IFT80: variants seen among roughly 807,000 people sequenced by gnomAD.
IFT80 encodes intraflagellar transport protein 80 homolog.
In IFT80, 79 loss-of-function variants were observed where a neutral mutation model predicts 107.9. The observed-to-expected ratio is 0.73, with a 90% CI of 0.61 to 0.88. IFT80 has a LOEUF of 0.88. Ranked by LOEUF, IFT80 falls within the 40% of genes least tolerant of loss-of-function variation. The probability of loss-of-function intolerance (pLI) is 0.00; values close to 1 mark genes in which losing one functional copy is unlikely to be tolerated. For synonymous variants in IFT80, 299 were observed against 300.9 expected, an observed-to-expected ratio of 0.99 and a Z score of 0.07; for missense variants, 797 against 914.2, an observed-to-expected ratio of 0.87 and a Z score of 1.65.
chr3:160,285,199 T>G (rs904579389), intron 13 of IFT80, among the ~76,000 whole-genome samples: 5 of 152,144 alleles, frequency 3.3e-5, no homozygotes, highest in East Asian at 1.9e-4. Flanking sequence ...ACAAAAAAAC[T>G]AATAATTACA....
At chr3:160,344,984 C>T (rs922288229) in intron 8 of IFT80, among the ~76,000 whole-genome samples, 2 of 151,962 alleles carry the variant, frequency 1.3e-5, no homozygotes, top group Non-Finnish European at 2.9e-5. Flanking sequence ...ACTCATATAC[C>T]GCTGGTGAGA....
chr3:160,268,569 T>A (rs1713537392), intron 18 of IFT80, 33 bp from the exon 19 acceptor site: 3 of 1,608,500 alleles, frequency 1.9e-6, no homozygotes, highest in Non-Finnish European at 1.7e-6. Flanking sequence ...TTATTAACAT[T>A]GTTTGTGTCA....
Position 160,370,573 on chromosome 3 carries a change from G to C in IFT80, c.440-4421C>G, listed in dbSNP as rs1157280513. Reference sequence around the variant, plus strand: ...TTTAAATAAAGGCATTTTTTTTTAAGTTTCTATCTTCAACCACTTCTCCCT... The same window carrying C: ...TTTAAATAAAGGCATTTTTTTTTAACTTTCTATCTTCAACCACTTCTCCCT... On this transcript the variant is annotated intron_variant, in intron 5 of 19. Transcript: ENST00000326448. 2.0e-5 allele frequency among the ~76,000 whole-genome samples: 3 copies of C among 151,040 alleles called. No individual in the cohort carries two copies. In the East Asian group the frequency reaches 5.8e-4, roughly 29 times the overall value.
At chr3:160,359,488 C>T (rs1476082518) in intron 6 of IFT80, among the ~76,000 whole-genome samples, 2 of 152,122 alleles carry the variant, frequency 1.3e-5, no homozygotes, top group Non-Finnish European at 2.9e-5. Context: ...CAGTGGTTCT[C>T]CCAGCACGGC....
rs777972752 is a variant in IFT80, at chr3:160,268,533, T to C, written c.2103A>G (p.Ala701=). The change falls in exon 19 of 20, where the codon GCA becomes GCG. Residue 701 remains alanine (A), a synonymous_variant. Transcript: ENST00000326448. Reference sequence around the variant, plus strand: ...TTTTGTATTTTACAGCCAATTCCAGTGCCCTATAATGAGAAATAAAACAGA... The same window carrying C: ...TTTTGTATTTTACAGCCAATTCCAGCGCCCTATAATGAGAAATAAAACAGA... ...ININLYNWER[A]LELAVKYKTH... 1.7e-5 allele frequency: 28 copies of C among 1,612,912 alleles called. No homozygotes were observed. The highest frequency in any genetic ancestry group is 2.4e-5 in the Non-Finnish European group (28 of 1,179,224).
At chr3:160,388,848 T>C (rs1327456745) in intron 1 of IFT80, among the ~76,000 whole-genome samples, 2 of 152,072 alleles carry the variant, frequency 1.3e-5, no homozygotes, top group Non-Finnish European at 1.5e-5. Context: ...TGAGAAAGAC[T>C]CAACTGGCCA....
chr3:160,302,029 T>A (rs1365454449), intron 11 of IFT80, among the ~76,000 whole-genome samples: 2 of 152,046 alleles, frequency 1.3e-5, no homozygotes, highest in African/African-American at 4.8e-5. Flanking sequence ...TTAAAATTTT[T>A]AAATATATCT....
intron 12 of IFT80, among the ~76,000 whole-genome samples, chr3:160,300,408 A>C (rs1716333082): frequency 6.6e-6 from 1 of 152,134 alleles, no homozygotes; most frequent in Admixed American, 6.6e-5. Flanking sequence ...TGTGGCCTAG[A>C]TTTTTAAACA....
At chr3:160,261,013 A>G (rs758032048) in intron 19 of IFT80, among the ~76,000 whole-genome samples, 16 of 152,144 alleles carry the variant, frequency 1.1e-4, no homozygotes, top group East Asian at 1.9e-4. Flanking sequence ...ACCTCTTAAC[A>G]TATGTCTCTG....
Position 160,356,047 on chromosome 3 carries a change from G to C in IFT80, c.743C>G (p.Ser248Trp), listed in dbSNP as rs754764834. ...ATCACACAAGCGTAAAGTATGAAAC[G>C]ATCCAACAGCAAATAATTCTCCATC... ...APDGELFAVGSFHTLRLCDKT... is the reference protein window; with the variant it reads ...APDGELFAVGWFHTLRLCDKT... Residue 248 changes from serine to tryptophan, a missense_variant, in exon 8 of 20, where the codon TCG (serine) becomes TGG (tryptophan). Coordinates refer to ENST00000326448, the MANE Select transcript of IFT80 (RefSeq NM_020800.3). 6.2e-7 allele frequency: 1 copy of C among 1,614,002 alleles called. No individual in the cohort carries two copies. The highest frequency in any genetic ancestry group is 8.5e-7 in the Non-Finnish European group (1 of 1,179,948).
rs527931291 is a variant in IFT80 at position 160,294,292 on chromosome 3, CACTGCAA to C, written c.1315+6584_1315+6590del. Among the ~76,000 whole-genome samples the C allele has an allele frequency of 3.9e-4, 59 of 152,258 alleles. No homozygotes were observed. In the East Asian group the frequency reaches 0.011, roughly 28 times the overall value. On this transcript the variant is annotated intron_variant, in intron 12 of 19. Coordinates refer to ENST00000326448, the MANE Select transcript of IFT80 (RefSeq NM_020800.3). ...GTGGTGCAGTGGCGTGATCTCAGCT[CACTGCAA>C]CCTCTGCCTCAAGAGGGCTCAAGCT...
intron 13 of IFT80, among the ~76,000 whole-genome samples, chr3:160,284,371 C>T (rs913733421): frequency 2.6e-5 from 4 of 152,120 alleles, no homozygotes; most frequent in Non-Finnish European, 5.9e-5. Context: ...GAGACATTTA[C>T]TCCTTTTGAT....
chr3:160,319,180 A>AT (rs1235648293), intron 9 of IFT80, among the ~76,000 whole-genome samples: 14 of 152,110 alleles, frequency 9.2e-5, no homozygotes, highest in East Asian at 3.9e-4. Context: ...AATTTATATG[A>AT]TTTTTTCTTA....
chr3:160,321,468 A>G (rs1559938477), intron 8 of IFT80, among the ~76,000 whole-genome samples: 2 of 151,986 alleles, frequency 1.3e-5, no homozygotes, highest in South Asian at 4.1e-4. Context: ...TTTTAAAACC[A>G]TACATTCATA....
chr3:160,325,902 T>C (rs2108308928), intron 8 of IFT80, among the ~76,000 whole-genome samples: 1 of 152,114 alleles, frequency 6.6e-6, no homozygotes, highest in East Asian at 1.9e-4. Context: ...GTATTTTGGC[T>C]TTTGAATTTT....
chr3:160,288,158 G>A (rs774753085), intron 12 of IFT80, among the ~76,000 whole-genome samples: 2 of 151,856 alleles, frequency 1.3e-5, no homozygotes, highest in South Asian at 2.1e-4. Context: ...TCCTGGCTAC[G>A]ATGTCTCTAC....
At chr3:160,295,509 A>G (rs1055059030) in intron 12 of IFT80, among the ~76,000 whole-genome samples, 1 of 152,078 alleles carries the variant, frequency 6.6e-6, no homozygotes, top group Non-Finnish European at 1.5e-5. Flanking sequence ...TTGGAGGCTG[A>G]GGCAGGAGGA....
intron 2 of IFT80, among the ~76,000 whole-genome samples, chr3:160,383,008 T>A (rs1002424241): frequency 6.6e-6 from 1 of 152,196 alleles, no homozygotes; most frequent in African/African-American, 2.4e-5. Flanking sequence ...TGCTGTCGCC[T>A]AAACAATGTT....
intron 9 of IFT80, among the ~76,000 whole-genome samples, chr3:160,310,850 T>A (rs1039832110): frequency 1.3e-5 from 2 of 152,150 alleles, no homozygotes; most frequent in Non-Finnish European, 2.9e-5. Context: ...TTAATTGTAA[T>A]CAAGGCTGGG....
Sources: allele counts gnomAD v4.1 joint callset (sites outside exome capture counted in the v4.1 genomes callset), GRCh38; gene constraint gnomAD v4.1.1; transcripts MANE v1.5; gene names NCBI Gene and HGNC (gene_info 2026-07-23, HGNC 2026-07-21).